The following CADM2 variants were observed in gnomAD, a reference collection of about 807,000 sequenced individuals.
CADM2 encodes the protein immunoglobulin superfamily member 4D.
In CADM2, 12 loss-of-function variants were observed where a neutral mutation model predicts 49.8. The observed-to-expected ratio is 0.24, with a 90% CI of 0.15 to 0.39. The LOEUF (loss-of-function observed/expected upper bound fraction) is 0.39, where lower values mean the gene tolerates loss of function less well. CADM2 is among the 10% of genes least tolerant of loss of function. The probability of loss-of-function intolerance (pLI) is 1.00; values close to 1 mark genes in which losing one functional copy is unlikely to be tolerated. For synonymous variants in CADM2, 214 were observed against 175.4 expected (o/e 1.22, Z -1.74); for missense variants, 378 against 492.3 (o/e 0.77, Z 2.20).
chr3:85,757,762 G>T (rs1277515175), intron 2 of CADM2, among the ~76,000 whole-genome samples: 1 of 152,120 alleles, frequency 6.6e-6, no homozygotes, highest in Non-Finnish European at 1.5e-5. Flanking sequence ...TGAGGCTGGA[G>T]AGTGAGAGAT....
intron 1 of CADM2, among the ~76,000 whole-genome samples, chr3:85,103,767 A>G (rs2038103145): frequency 6.6e-6 from 1 of 152,170 alleles, no homozygotes; most frequent in Admixed American, 6.6e-5. Flanking sequence ...AATATTCCAG[A>G]ACGTGAGTAC....
At chr3:85,521,017 A>G (rs1017439758) in intron 1 of CADM2, among the ~76,000 whole-genome samples, 2 of 152,138 alleles carry the variant, frequency 1.3e-5, no homozygotes. Context: ...GAGTATTGCC[A>G]TGAAGTTACA....
chr3:85,531,747 G>C (rs1014582573), intron 1 of CADM2, among the ~76,000 whole-genome samples: 1 of 151,926 alleles, frequency 6.6e-6, no homozygotes, highest in Non-Finnish European at 1.5e-5. Context: ...ATAAATAAAC[G>C]AAATAAAGGT....
rs1471493148 is a variant in CADM2, at chr3:85,939,753, A to C, written c.791+3896A>C. Among the ~76,000 whole-genome samples the C allele has an allele frequency of 3.3e-5, 5 of 150,008 alleles. No individual in the cohort carries two copies. The Admixed American group carries it at 3.4e-4, about 10-fold the overall frequency. ...CCAGCACAATGTTTATGCTGTACTT[A>C]CTATTTTACTTTCTGGTAACCACAA... On this transcript the variant is annotated intron_variant, in intron 7 of 9. Coordinates refer to ENST00000383699, the MANE Select transcript of CADM2 (RefSeq NM_001167675.2).
At chr3:85,353,968 CA>C (rs2031599978) in intron 1 of CADM2, among the ~76,000 whole-genome samples, 1 of 151,816 alleles carries the variant, frequency 6.6e-6, no homozygotes, top group Non-Finnish European at 1.5e-5. Context: ...TATATATGTA[CA>C]ATTATTCTAA....
chr3:85,058,761 T>C (rs1353161427), intron 1 of CADM2, among the ~76,000 whole-genome samples: 3 of 152,124 alleles, frequency 2.0e-5, no homozygotes, highest in Non-Finnish European at 2.9e-5. Flanking sequence ...ATTTTAAATG[T>C]AGTATTGGTG....
intron 8 of CADM2, among the ~76,000 whole-genome samples, chr3:86,008,930 C>A (rs1476115719): frequency 6.6e-6 from 1 of 151,312 alleles, no homozygotes; most frequent in Non-Finnish European, 1.5e-5. Flanking sequence ...TTCTTTTCCC[C>A]AAATGTTCTC....
intron 1 of CADM2, among the ~76,000 whole-genome samples, chr3:85,471,584 CT>C (rs1298013584): frequency 6.6e-6 from 1 of 151,880 alleles, no homozygotes; most frequent in African/African-American, 2.4e-5. Context: ...TTAGATTTTC[CT>C]AAGACTTTTC....
At chr3:85,579,571 G>A (rs899446880) in intron 1 of CADM2, among the ~76,000 whole-genome samples, 15 of 152,234 alleles carry the variant, frequency 9.9e-5, no homozygotes, top group South Asian at 2.1e-4. Context: ...TGAAATAGCT[G>A]TTGATTTATT....
intron 1 of CADM2, among the ~76,000 whole-genome samples, chr3:84,992,012 A>T (rs931517744): frequency 6.6e-6 from 1 of 152,196 alleles, no homozygotes; most frequent in African/African-American, 2.4e-5. Context: ...AGGATGAATA[A>T]GTAGAGCACA....
At chr3:85,180,431 A>G (rs528286757) in intron 1 of CADM2, among the ~76,000 whole-genome samples, 32 of 149,566 alleles carry the variant, frequency 2.1e-4, no homozygotes, top group Non-Finnish European at 4.4e-4. Context: ...ATGGCTTGAG[A>G]CCAGGAGGTG....
chr3:85,101,114 T>G (rs2037995264), intron 1 of CADM2, among the ~76,000 whole-genome samples: 1 of 151,922 alleles, frequency 6.6e-6, no homozygotes, highest in African/African-American at 2.4e-5. Flanking sequence ...ATTAGCTGGG[T>G]GTGCTGGTGC....
intron 1 of CADM2, among the ~76,000 whole-genome samples, chr3:85,196,495 G>T (rs2041346246): frequency 6.6e-6 from 1 of 151,906 alleles, no homozygotes; most frequent in Admixed American, 6.6e-5. Context: ...CAGGAGAGTA[G>T]TTAAATTTTA....
At chr3:85,485,936 G>A (rs374709910) in intron 1 of CADM2, among the ~76,000 whole-genome samples, 31 of 152,094 alleles carry the variant, frequency 2.0e-4, no homozygotes, top group Admixed American at 2.0e-4. Context: ...TCAGGATCAG[G>A]ATTTTACATT....
chr3:85,174,162 TG>T (rs2040712023), intron 1 of CADM2, among the ~76,000 whole-genome samples: 1 of 152,216 alleles, frequency 6.6e-6, no homozygotes, highest in Non-Finnish European at 1.5e-5. Context: ...TCAATTGAAC[TG>T]GAAGTTGCCT....
chr3:85,995,829 C>T (rs904869771), intron 8 of CADM2, among the ~76,000 whole-genome samples: 1 of 152,050 alleles, frequency 6.6e-6, no homozygotes, highest in Non-Finnish European at 1.5e-5. Context: ...GTGTCTCACG[C>T]CTGTAATTCC....
chr3:86,004,535 A>T (rs908086728), intron 8 of CADM2, among the ~76,000 whole-genome samples: 6 of 152,210 alleles, frequency 3.9e-5, no homozygotes, highest in South Asian at 2.1e-4. Context: ...GCATGACAGG[A>T]TGAATATTAC....
chr3:85,983,329 C>G (rs916071391), intron 8 of CADM2, among the ~76,000 whole-genome samples: 2 of 151,568 alleles, frequency 1.3e-5, no homozygotes, highest in East Asian at 3.9e-4. Flanking sequence ...TGTTAAAACA[C>G]AGAGAAATGA....
At chr3:85,403,150 C>A (rs2035201030) in intron 1 of CADM2, among the ~76,000 whole-genome samples, 1 of 152,052 alleles carries the variant, frequency 6.6e-6, no homozygotes, top group Admixed American at 6.6e-5. Context: ...AAAATTTAAT[C>A]TTTAAAACAT....
Sources: gnomAD v4.1 joint callset for allele counts (sites outside exome capture counted in the v4.1 genomes callset) on GRCh38, gnomAD v4.1.1 for gene constraint, MANE v1.5 for transcripts, NCBI Gene and HGNC (gene_info 2026-07-23, HGNC 2026-07-21) for gene names.